TSPAN14: variants seen among roughly 807,000 people sequenced by gnomAD.
TSPAN14 encodes tetraspanin 14, also known as tetraspanin-14.
Under a neutral mutation model 36.6 loss-of-function variants are expected in TSPAN14, and 16 were observed. That is an observed-to-expected ratio of 0.44 (90% CI 0.30 to 0.66). The LOEUF (loss-of-function observed/expected upper bound fraction) is 0.66, where lower values mean the gene tolerates loss of function less well. TSPAN14 is among the 30% of genes least tolerant of loss of function. The pLI is 0.12. For synonymous variants in TSPAN14, 139 were observed against 143.8 expected (o/e 0.97, Z 0.24); for missense variants, 231 against 355.1 (o/e 0.65, Z 2.81).
rs147450315 is a variant in TSPAN14, at chr10:80,509,724, C to A, written c.450+253C>A. On this transcript the variant is annotated intron_variant, in intron 5 of 8. Transcript: ENST00000429989. This position sits in a 1 kb window ranked among gnomAD's most constrained non-coding sequence, Gnocchi z 4.7. ...CAGCTGTACCCGAGGCCACCCACCC[C>A]CCACGTGCCCGGCCCTCCTCTTTCG... is the stretch of plus-strand genomic sequence containing the variant. 6.4e-5 allele frequency: 31 copies of A among 484,926 alleles called. No homozygotes were observed. The highest frequency in any genetic ancestry group is 1.5e-4 in the Admixed American group (4 of 26,468). 30.0% of individuals were successfully genotyped at this position (484,926 alleles called of 1,614,324 possible). A position where few individuals can be genotyped will look rare whatever the true frequency, so the allele number is the denominator to read the frequency against.
At chr10:80,507,282 G>T (rs1840353026) in exon 4 of TSPAN14, 1 of 1,614,226 alleles carries the variant, frequency 6.2e-7, no homozygotes, top group Non-Finnish European at 8.5e-7. Context: ...CGACCCTGTG[G>T]TGCTGGTCCT....
intron 1 of TSPAN14, among the ~76,000 whole-genome samples, chr10:80,487,256 T>C (rs530795422): frequency 6.6e-6 from 1 of 151,490 alleles, no homozygotes; most frequent in African/African-American, 2.4e-5. Context: ...GCTGCAGCCC[T>C]CAGTGCCTAA....
At chr10:80,515,498 C>G (rs532325037) in intron 7 of TSPAN14, 1 of 152,304 alleles carries the variant, frequency 6.6e-6, no homozygotes, top group African/African-American at 2.4e-5. Context: ...TCTACAAATA[C>G]AGTCACCTTC....
chr10:80,484,926 C>A (rs966892676), intron 1 of TSPAN14, among the ~76,000 whole-genome samples: 6 of 152,124 alleles, frequency 3.9e-5, no homozygotes, highest in African/African-American at 1.4e-4. Flanking sequence ...ATTTAACTCC[C>A]CTCAAGTTGC....
At position 80,509,412 on chromosome 10, in the gene TSPAN14, A is replaced by C; in HGVS notation, c.391A>C (p.Ile131Leu). Residue 131 changes from isoleucine (I) to leucine (L), a missense_variant, in exon 5 of 9, where the codon ATC (isoleucine) becomes CTC (leucine). Physicochemically the swap from Ile to Leu is conservative, Grantham distance 5. Transcript: ENST00000429989. This position sits in a 1 kb window ranked among gnomAD's most constrained non-coding sequence, Gnocchi z 4.7. ...GTTCCGGGAGTTCTTCGAGAGCAAC[A>C]TCAAGTCCTACCGGGACGATATCGA... The C allele has an allele frequency of 6.2e-7, 1 of 1,614,170 alleles. No individual in the cohort carries two copies. Among genetic ancestry groups the C allele is most frequent in the Non-Finnish European group, 8.5e-7 (1 of 1,180,024 alleles).
At position 80,494,131 on chromosome 10, in the gene TSPAN14, T is replaced by A. The variant is rs143644023; in HGVS notation, c.81+4817T>A. Among the ~76,000 whole-genome samples the A allele has an allele frequency of 2.1e-3, 314 of 152,322 alleles. 2 individuals are homozygous for A. The highest frequency in any genetic ancestry group is 7.1e-3 in the African/African-American group (296 of 41,572). On this transcript the variant is annotated intron_variant, in intron 2 of 8. Coordinates refer to ENST00000429989, the Ensembl canonical transcript of TSPAN14. ...GAAAGTCCTTTGCTTGCCTTTAGTT[T>A]AAAAAAATTTTTTTTAAATGACATT...
chr10:80,479,467 G>T (rs1847120963), intron 1 of TSPAN14, among the ~76,000 whole-genome samples: 1 of 152,160 alleles, frequency 6.6e-6, no homozygotes, highest in Admixed American at 6.5e-5. Flanking sequence ...ACTAATTTTT[G>T]TATAAAGTGC....
At chr10:80,458,146 G>A (rs1417305068) in intron 1 of TSPAN14, among the ~76,000 whole-genome samples, 1 of 152,236 alleles carries the variant, frequency 6.6e-6, no homozygotes, top group East Asian at 1.9e-4. Context: ...GCAGGAGCAG[G>A]TAGCGATACC....
intron 1 of TSPAN14, among the ~76,000 whole-genome samples, chr10:80,456,475 A>C (rs960159792): frequency 1.3e-5 from 2 of 152,228 alleles, no homozygotes; most frequent in African/African-American, 4.8e-5. Flanking sequence ...TTGTGGCGGC[A>C]GTGAAGTGAA....
intron 1 of TSPAN14, among the ~76,000 whole-genome samples, chr10:80,475,586 C>T (rs967124048): frequency 2.6e-5 from 4 of 152,084 alleles, no homozygotes; most frequent in Admixed American, 6.5e-5. Flanking sequence ...CCCCCTTTCC[C>T]CATCCTTTTT....
chr10:80,519,923 A>C (rs772679935), exon 9 of TSPAN14: 2 of 151,288 alleles, frequency 1.3e-5, no homozygotes, highest in Non-Finnish European at 2.9e-5. Context: ...AGAAACTTCA[A>C]CTCCATAGGT....
chr10:80,520,935 G>T (rs1309845788), exon 9 of TSPAN14: 1 of 451,094 alleles, frequency 2.2e-6, no homozygotes, highest in Non-Finnish European at 4.6e-6. Context: ...TGCTGCAGCT[G>T]TCCTCACCAG....
At chr10:80,508,147 G>A (rs1251314708) in intron 4 of TSPAN14, among the ~76,000 whole-genome samples, 2 of 144,148 alleles carry the variant, frequency 1.4e-5, no homozygotes, top group East Asian at 2.0e-4. Flanking sequence ...ACCGAGTCTC[G>A]CTCTGTTGCC....
At chr10:80,518,458 G>C (rs368680589) in exon 9 of TSPAN14, 291 of 172,452 alleles carry the variant, frequency 1.7e-3, no homozygotes, top group African/African-American at 6.4e-3. Flanking sequence ...GGGCCTGCCC[G>C]TAACGGGAGG....
At chr10:80,505,969 T>G (rs1238376213) in intron 3 of TSPAN14, among the ~76,000 whole-genome samples, 1 of 152,242 alleles carries the variant, frequency 6.6e-6, no homozygotes, top group African/African-American at 2.4e-5. Context: ...ATGTAGGAGC[T>G]TGGGATCATT....
At chr10:80,504,748 T>C (rs1200357504) in exon 3 of TSPAN14, 3 of 1,614,062 alleles carry the variant, frequency 1.9e-6, no homozygotes, top group South Asian at 2.2e-5. Flanking sequence ...TTGTCTTCCT[T>C]GGAGTCGGGC....
In TSPAN14 at chr10:80,475,148, C is replaced by G. The variant is rs931207689; in HGVS notation, c.-17-14069C>G. Among the ~76,000 whole-genome samples, 4 of 152,198 alleles carry G rather than the reference C, an allele frequency of 2.6e-5. 1 individual carries two copies. The South Asian group carries it at 8.3e-4, about 31-fold the overall frequency. On this transcript the variant is annotated intron_variant, in intron 1 of 8. Coordinates refer to ENST00000429989, the Ensembl canonical transcript of TSPAN14. ...TCTTTGGGTGTGGGGCTGCCAAGCA[C>G]TGGCTGGAGTTTAATCTGGATCCAA... is the stretch of plus-strand genomic sequence containing the variant.
intron 6 of TSPAN14, 88 bp from the exon 7 acceptor site, chr10:80,513,931 C>A: frequency 9.1e-7 from 1 of 1,098,914 alleles, no homozygotes; most frequent in Non-Finnish European, 1.4e-6. Context: ...CAAATGTTTG[C>A]TAGTGTTTGG....
At chr10:80,479,635 C>G (rs1048684600) in intron 1 of TSPAN14, among the ~76,000 whole-genome samples, 2 of 152,174 alleles carry the variant, frequency 1.3e-5, no homozygotes. Flanking sequence ...GGCCTCTGTT[C>G]TGTTCCATTG....
Sources: gnomAD v4.1 joint callset for allele counts (sites outside exome capture counted in the v4.1 genomes callset) on GRCh38, gnomAD v4.1.1 for gene constraint, Gnocchi (gnomAD v3.1) non-coding constraint, MANE v1.5 for transcripts, NCBI Gene and HGNC (gene_info 2026-07-23, HGNC 2026-07-21) for gene names.